CAMKMT: variants seen among roughly 807,000 people sequenced by gnomAD.
The protein encoded by CAMKMT is calmodulin-lysine N-methyltransferase.
CAMKMT carries 53 observed loss-of-function variants against 48.0 expected under a neutral mutation model. The observed-to-expected ratio is 1.10, with a 90% confidence interval of 0.89 to 1.39. The LOEUF (loss-of-function observed/expected upper bound fraction) is 1.39. Among genes scored for constraint, CAMKMT ranks in the 40% most tolerant of loss-of-function variants. The pLI, the probability that CAMKMT is intolerant of heterozygous loss-of-function variation, is 0.00. For missense variants in CAMKMT, 428 were observed against 402.7 expected (o/e 1.06, Z -0.54); for synonymous variants, 165 against 152.3 (o/e 1.08, Z -0.61).
intron 3 of CAMKMT, among the ~76,000 whole-genome samples, chr2:44,596,549 T>C (rs1670678859): frequency 6.6e-6 from 1 of 152,100 alleles, no homozygotes; most frequent in South Asian, 2.1e-4. Context: ...TCCAGAAATC[T>C]CTAACAAGCC....
intron 3 of CAMKMT, among the ~76,000 whole-genome samples, chr2:44,675,078 A>AG (rs368420691): frequency 3.2e-4 from 44 of 137,692 alleles, no homozygotes; most frequent in Non-Finnish European, 4.9e-4. Flanking sequence ...ACCAACCTTA[A>AG]GGGGGGGAAA....
chr2:44,422,701 T>C (rs534761391), intron 3 of CAMKMT, among the ~76,000 whole-genome samples: 5 of 152,308 alleles, frequency 3.3e-5, no homozygotes, highest in African/African-American at 1.2e-4. Context: ...AATTTCTTTT[T>C]TTTTTTTTAA....
intron 7 of CAMKMT, among the ~76,000 whole-genome samples, chr2:44,722,176 C>CTTTTT (rs11323950): frequency 2.9e-4 from 33 of 115,390 alleles, no homozygotes; most frequent in South Asian, 5.6e-4. Flanking sequence ...TTTCTTTTTT[C>CTTTTT]TTTTTTTTTT....
chr2:44,569,977 G>A (rs910645920), intron 3 of CAMKMT, among the ~76,000 whole-genome samples: 3 of 151,790 alleles, frequency 2.0e-5, no homozygotes, highest in Non-Finnish European at 2.9e-5. Flanking sequence ...TTCCTTTATC[G>A]GATATTAACT....
At chr2:44,424,071 T>C (rs1336560562) in intron 3 of CAMKMT, among the ~76,000 whole-genome samples, 1 of 152,202 alleles carries the variant, frequency 6.6e-6, no homozygotes, top group Non-Finnish European at 1.5e-5. Context: ...CAGAGCCAAG[T>C]AGTGTTTTGT....
intron 3 of CAMKMT, among the ~76,000 whole-genome samples, chr2:44,471,581 C>T (rs1668421569): frequency 6.6e-6 from 1 of 151,948 alleles, no homozygotes; most frequent in Admixed American, 6.6e-5. Context: ...GCCTGAGTAA[C>T]AGAGCAAGAC....
chr2:44,602,236 A>G (rs1453352113), intron 3 of CAMKMT, among the ~76,000 whole-genome samples: 5 of 151,920 alleles, frequency 3.3e-5, no homozygotes, highest in Non-Finnish European at 5.9e-5. Context: ...CCTGAGCTCT[A>G]GCTCCCAAAG....
chr2:44,399,784 G>T (rs1019030998), intron 3 of CAMKMT, among the ~76,000 whole-genome samples: 2 of 152,102 alleles, frequency 1.3e-5, no homozygotes, highest in African/African-American at 4.8e-5. Context: ...GCCTGGGGTA[G>T]GTAGACTGGA....
chr2:44,705,880 A>G (rs1677525908), intron 4 of CAMKMT, among the ~76,000 whole-genome samples: 1 of 152,174 alleles, frequency 6.6e-6, no homozygotes, highest in Non-Finnish European at 1.5e-5. Flanking sequence ...ACTCATATAT[A>G]TTCTTCATTT....
At chr2:44,634,341 C>T (rs1673002941) in intron 3 of CAMKMT, among the ~76,000 whole-genome samples, 2 of 151,848 alleles carry the variant, frequency 1.3e-5, no homozygotes, top group South Asian at 4.1e-4. Context: ...TCTCACTTCA[C>T]TTGTTTCCCT....
chr2:44,426,011 G>A (rs112425034), intron 3 of CAMKMT, among the ~76,000 whole-genome samples: 4,343 of 152,236 alleles, frequency 0.029, 96 homozygotes, highest in Non-Finnish European at 0.039. Flanking sequence ...GATTACAGGC[G>A]TGAGCCACTG....
chr2:44,555,216 A>G (rs1372345293), intron 3 of CAMKMT, among the ~76,000 whole-genome samples: 1 of 152,168 alleles, frequency 6.6e-6, no homozygotes, highest in Non-Finnish European at 1.5e-5. Context: ...GATGGATTGG[A>G]GTAGGGAAAC....
At chr2:44,633,852 G>A (rs985390477) in intron 3 of CAMKMT, among the ~76,000 whole-genome samples, 1 of 151,972 alleles carries the variant, frequency 6.6e-6, no homozygotes, top group Admixed American at 6.6e-5. Flanking sequence ...TTGAGGGTCT[G>A]AATTTATTTT....
chr2:44,491,050 C>T lies in CAMKMT; in HGVS notation c.376+100745C>T, dbSNP rs562734909. 2.0e-5 allele frequency among the ~76,000 whole-genome samples: 3 copies of T among 148,968 alleles called. No homozygotes were observed. The South Asian group carries it at 6.5e-4, about 32-fold the overall frequency. On this transcript the variant is annotated intron_variant, in intron 3 of 10. Coordinates refer to ENST00000378494, the MANE Select transcript of CAMKMT (RefSeq NM_024766.5). ...CCTGTAGTCTCAGCTACTTGGGAGG[C>T]GGAGGTGGGAGGATGGCTCAAGCCC...
At chr2:44,453,032 A>G (rs1667375085) in intron 3 of CAMKMT, among the ~76,000 whole-genome samples, 3 of 152,104 alleles carry the variant, frequency 2.0e-5, no homozygotes, top group Admixed American at 2.0e-4. Context: ...ATGCTAAAAT[A>G]TCAAAGACTA....
intron 1 of CAMKMT, among the ~76,000 whole-genome samples, chr2:44,364,507 G>A (rs1425574458): frequency 6.6e-6 from 1 of 152,126 alleles, no homozygotes; most frequent in African/African-American, 2.4e-5. Context: ...CCTGGGAAAA[G>A]GTGATGTTTT....
intron 3 of CAMKMT, among the ~76,000 whole-genome samples, chr2:44,507,901 A>C (rs1670342528): frequency 6.6e-6 from 1 of 152,214 alleles, no homozygotes; most frequent in Non-Finnish European, 1.5e-5. Flanking sequence ...ACCTCGGCAC[A>C]AACTGGCAAC....
intron 3 of CAMKMT, among the ~76,000 whole-genome samples, chr2:44,559,665 G>T (rs1350674374): frequency 2.6e-5 from 4 of 152,108 alleles, no homozygotes; most frequent in African/African-American, 9.7e-5. Context: ...TGTCTGTAGA[G>T]CTGAACCCTC....
At chr2:44,462,538 CT>C (rs1401640499) in intron 3 of CAMKMT, among the ~76,000 whole-genome samples, 1 of 151,654 alleles carries the variant, frequency 6.6e-6, no homozygotes, top group African/African-American at 2.4e-5. Flanking sequence ...ATCTAAATTC[CT>C]TTTTTTGCTT....
Sources: gnomAD v4.1 joint callset for allele counts (sites outside exome capture counted in the v4.1 genomes callset) on GRCh38, gnomAD v4.1.1 for gene constraint, MANE v1.5 for transcripts, NCBI Gene and HGNC (gene_info 2026-07-23, HGNC 2026-07-21) for gene names.